Variants in KIF13B observed in about 807,000 individuals in gnomAD.
KIF13B encodes kinesin family member 13B, also known as kinesin-like protein KIF13B.
Under a neutral mutation model 222.0 loss-of-function variants are expected in KIF13B, and 127 were observed. The observed-to-expected ratio is 0.57, with a 90% CI of 0.50 to 0.66. The LOEUF is 0.66. Ranked by LOEUF, KIF13B falls within the 30% of genes least tolerant of loss-of-function variation. KIF13B has a pLI of 0.00. For synonymous variants in KIF13B, 976 were observed against 919.0 expected (o/e 1.06, Z -1.12); for missense variants, 2,173 against 2,379.0 (o/e 0.91, Z 1.80).
chr8:29,092,892 A>AG lies in KIF13B; in HGVS notation c.4325-15dup. Reference sequence around the variant, plus strand: ...GGTTACTGAGTCCTGCCCATATTACAGGGGAAAAAGATAAAACAAATACAA... The same window carrying AG: ...GGTTACTGAGTCCTGCCCATATTACAGGGGGAAAAAGATAAAACAAATACAA... On this transcript the variant is annotated splice_polypyrimidine_tract_variant and intron_variant, in intron 36 of 39. Coordinates refer to ENST00000524189, the MANE Select transcript of KIF13B (RefSeq NM_015254.4). 1 of 1,593,842 alleles carries AG rather than the reference A, an allele frequency of 6.3e-7. No homozygotes were observed.
In KIF13B at chr8:29,126,527, C is replaced by T. The variant is rs1020641107; in HGVS notation, c.3223-16G>A. ...CCTCTTCCTCCTAAAAGAAAATATA[C>T]ATTACAAAGAACTGAATTATTGATT... On this transcript the variant is annotated splice_polypyrimidine_tract_variant and intron_variant, in intron 25 of 39. Transcript: ENST00000524189. 2 of 1,401,220 alleles carry T rather than the reference C, an allele frequency of 1.4e-6. No individual in the cohort carries two copies. The highest frequency in any genetic ancestry group is 2.0e-6 in the Non-Finnish European group (2 of 998,872). The allele number at this position is 1,401,220 out of a possible 1,614,324, so 86.8% of individuals were successfully genotyped here.
At chr8:29,152,714 C>T (rs761951249) in intron 14 of KIF13B, among the ~76,000 whole-genome samples, 2 of 152,052 alleles carry the variant, frequency 1.3e-5, no homozygotes, top group African/African-American at 2.4e-5. Flanking sequence ...CAGGTTCAGG[C>T]GATGCTCCTG....
chr8:29,194,290 GT>G (rs10581359), intron 3 of KIF13B, among the ~76,000 whole-genome samples: 89,597 of 142,200 alleles, frequency 0.63, 28,506 homozygotes, highest in Non-Finnish European at 0.71. Flanking sequence ...TTATTATTGG[GT>G]TTTTTTTTTT....
At chr8:29,072,690 C>CA (rs1807356989) in intron 38 of KIF13B, among the ~76,000 whole-genome samples, 2 of 152,170 alleles carry the variant, frequency 1.3e-5, no homozygotes, top group Non-Finnish European at 2.9e-5. Flanking sequence ...GAGCACTGAC[C>CA]ATGGCCACAG....
intron 35 of KIF13B, among the ~76,000 whole-genome samples, chr8:29,100,592 C>T (rs764536091): frequency 6.6e-6 from 1 of 152,038 alleles, no homozygotes; most frequent in Non-Finnish European, 1.5e-5. Context: ...TACAGGCATG[C>T]GCCACCATGC....
At chr8:29,221,926 G>C (rs931533403) in intron 2 of KIF13B, among the ~76,000 whole-genome samples, 21 of 152,110 alleles carry the variant, frequency 1.4e-4, no homozygotes, top group East Asian at 3.9e-4. Flanking sequence ...ACCTCTTCTT[G>C]AATAGTCGGT....
chr8:29,216,191 G>C (rs889727322), intron 2 of KIF13B, among the ~76,000 whole-genome samples: 2 of 152,128 alleles, frequency 1.3e-5, no homozygotes, highest in African/African-American at 4.8e-5. Flanking sequence ...AACCCTACAA[G>C]GTAGGTCTTA....
At chr8:29,163,721 C>G (rs930309258) in intron 12 of KIF13B, among the ~76,000 whole-genome samples, 1 of 152,154 alleles carries the variant, frequency 6.6e-6, no homozygotes, top group Non-Finnish European at 1.5e-5. Flanking sequence ...ATTGAAGGAG[C>G]TGTTGAATAA....
At chr8:29,184,305 T>C (rs1812839141) in intron 6 of KIF13B, among the ~76,000 whole-genome samples, 1 of 152,054 alleles carries the variant, frequency 6.6e-6, no homozygotes, top group Non-Finnish European at 1.5e-5. Flanking sequence ...CCATTTACTT[T>C]GAATCTTCAG....
At chr8:29,129,232 C>T (rs1810243197) in intron 24 of KIF13B, among the ~76,000 whole-genome samples, 1 of 152,170 alleles carries the variant, frequency 6.6e-6, no homozygotes, top group Non-Finnish European at 1.5e-5. Context: ...ACTTAAATAT[C>T]CAATTTACAC....
intron 20 of KIF13B, 133 bp from the exon 21 acceptor site, chr8:29,140,324 A>G: frequency 7.1e-7 from 1 of 1,402,584 alleles, no homozygotes; most frequent in Non-Finnish European, 9.7e-7. Context: ...AGTCTCTGAC[A>G]GTTACTCTAC....
chr8:29,240,515 G>C (rs1308622005), intron 2 of KIF13B, among the ~76,000 whole-genome samples: 1 of 152,196 alleles, frequency 6.6e-6, no homozygotes, highest in African/African-American at 2.4e-5. Context: ...TTGTTAAACT[G>C]ATAGGTACAT....
chr8:29,155,142 G>T (rs188718474), intron 14 of KIF13B, among the ~76,000 whole-genome samples: 1 of 152,058 alleles, frequency 6.6e-6, no homozygotes, highest in Admixed American at 6.6e-5. Context: ...CATATTATGC[G>T]CCAGGAATGG....
chr8:29,072,920 G>C (rs955510537), intron 38 of KIF13B, among the ~76,000 whole-genome samples: 8 of 152,094 alleles, frequency 5.3e-5, no homozygotes, highest in African/African-American at 1.7e-4. Context: ...AAAGAGACCA[G>C]AAGAGCACTT....
intron 21 of KIF13B, among the ~76,000 whole-genome samples, chr8:29,134,755 A>T (rs1810485860): frequency 6.6e-6 from 1 of 152,244 alleles, no homozygotes; most frequent in African/African-American, 2.4e-5. Flanking sequence ...TGTTTGGGAA[A>T]ACTTAAAAGC....
chr8:29,157,595 C>T (rs776226109), intron 13 of KIF13B, among the ~76,000 whole-genome samples: 2 of 151,732 alleles, frequency 1.3e-5, no homozygotes, highest in South Asian at 2.1e-4. Flanking sequence ...ATCATAGCTA[C>T]TCGGGAGGCT....
In KIF13B at chr8:29,237,964, G is replaced by A. The variant is rs1014701880; in HGVS notation, c.149+7382C>T. On this transcript the variant is annotated intron_variant, in intron 2 of 39. Coordinates refer to ENST00000524189, the MANE Select transcript of KIF13B (RefSeq NM_015254.4). ...CCACTGTACTCTAATAAAATTAGCA[G>A]GACGGGCTCCCTGAGGAAGAGCCCC... Among the ~76,000 whole-genome samples the A allele has an allele frequency of 1.1e-4, 17 of 152,172 alleles. 1 individual carries two copies. The highest frequency in any genetic ancestry group is 7.9e-4 in the Admixed American group (12 of 15,274).
intron 1 of KIF13B, among the ~76,000 whole-genome samples, chr8:29,248,877 G>C (rs1402599703): frequency 6.6e-6 from 1 of 152,190 alleles, no homozygotes; most frequent in East Asian, 1.9e-4. Context: ...CTAGGGCCAA[G>C]GAGTGACTGC....
chr8:29,092,836 G>C lies in KIF13B; in HGVS notation c.4367C>G (p.Ser1456Cys). The stretch of plus-strand genomic sequence containing the variant: ...GAGCTTTGGCATTTGCGGCACGAAG[G>C]ATTTGACAGGATTCAAGTAGGATGC... ...LAASYLNPVKSFVPQMPKLLK... is the reference protein window; with the variant it reads ...LAASYLNPVKCFVPQMPKLLK... Residue 1456 changes from serine (S) to cysteine (C), a missense_variant, in exon 37 of 40, where the codon TCC (serine) becomes TGC (cysteine). Ser to Cys is a moderately radical substitution (Grantham distance 112, BLOSUM62 -1). This residue lies in a region of KIF13B where 693 missense variants were observed against 656.2 expected (regional missense o/e 1.06). Coordinates refer to ENST00000524189, the MANE Select transcript of KIF13B (RefSeq NM_015254.4). 1.9e-6 allele frequency: 3 copies of C among 1,612,448 alleles called. No individual in the cohort carries two copies. Among genetic ancestry groups the C allele is most frequent in the Non-Finnish European group, 2.5e-6 (3 of 1,179,298 alleles).
Sources: allele counts gnomAD v4.1 joint callset (sites outside exome capture counted in the v4.1 genomes callset), GRCh38; gene constraint gnomAD v4.1.1; regional missense constraint gnomAD v4.1.1; transcripts MANE v1.5; gene names NCBI Gene and HGNC (gene_info 2026-07-23, HGNC 2026-07-21).